PRKAR1B: variants seen among roughly 807,000 people sequenced by gnomAD.
PRKAR1B encodes the protein cAMP-dependent protein kinase type I-beta regulatory subunit.
PRKAR1B carries 22 observed loss-of-function variants against 46.5 expected under a neutral mutation model. That is an observed-to-expected ratio of 0.47 (90% confidence interval 0.34 to 0.68). PRKAR1B has a LOEUF of 0.68. Among genes scored for constraint, PRKAR1B ranks in the 30% least tolerant of loss-of-function variants. PRKAR1B has a pLI of 0.01. For synonymous variants in PRKAR1B, 259 were observed against 217.7 expected (o/e 1.19, Z -1.67); for missense variants, 445 against 535.6 (o/e 0.83, Z 1.67).
At chr7:688,814 A>G (rs1779247918) in intron 2 of PRKAR1B, among the ~76,000 whole-genome samples, 1 of 152,120 alleles carries the variant, frequency 6.6e-6, no homozygotes, top group Admixed American at 6.5e-5. Context: ...TTGCGTCTTA[A>G]CCATGGTTAT....
chr7:631,446 C>A (rs985994239), intron 4 of PRKAR1B, among the ~76,000 whole-genome samples: 4 of 152,200 alleles, frequency 2.6e-5, no homozygotes, highest in Non-Finnish European at 5.9e-5. Flanking sequence ...GGAAGGAAAA[C>A]AGGCAGAAGC....
chr7:585,127 G>A (rs772324157), intron 7 of PRKAR1B, among the ~76,000 whole-genome samples: 6 of 152,144 alleles, frequency 3.9e-5, no homozygotes, highest in South Asian at 2.1e-4. Context: ...CCCTGTCAGC[G>A]TTATGTGAAT....
At chr7:653,836 TATC>T (rs755198932) in intron 4 of PRKAR1B, among the ~76,000 whole-genome samples, 63 of 152,144 alleles carry the variant, frequency 4.1e-4, no homozygotes, top group Non-Finnish European at 6.6e-4. Context: ...CCATGATAAT[TATC>T]ATCATCACTA....
intron 4 of PRKAR1B, among the ~76,000 whole-genome samples, chr7:632,231 A>T (rs1783792864): frequency 6.6e-6 from 1 of 151,968 alleles, no homozygotes; most frequent in African/African-American, 2.4e-5. Context: ...CCTTTTAAAC[A>T]CTGTGAAATT....
chr7:564,041 C>G (rs572654721), intron 9 of PRKAR1B, among the ~76,000 whole-genome samples: 1 of 152,100 alleles, frequency 6.6e-6, no homozygotes, highest in Admixed American at 6.5e-5. Flanking sequence ...CCCCTCTGCC[C>G]GCTCCCCACT....
intron 7 of PRKAR1B, among the ~76,000 whole-genome samples, chr7:587,700 G>A (rs1364184317): frequency 6.6e-6 from 1 of 152,216 alleles, no homozygotes; most frequent in Non-Finnish European, 1.5e-5. Flanking sequence ...GAGCATAGGG[G>A]AGGCAGTCCG....
At chr7:727,547 A>T (rs1781387857), upstream of PRKAR1B, 1 of 222,528 alleles carries the variant, frequency 4.5e-6, no homozygotes, top group Non-Finnish European at 8.2e-6. Flanking sequence ...TCCCGCCACC[A>T]ACGCGCCCTT....
intron 4 of PRKAR1B, among the ~76,000 whole-genome samples, chr7:651,561 G>A (rs1300430554): frequency 2.1e-5 from 3 of 141,842 alleles, no homozygotes; most frequent in Admixed American, 1.4e-4. Flanking sequence ...GAAACCCCCT[G>A]TCAGAAGACA....
At chr7:673,086 A>C (rs1387161589) in intron 4 of PRKAR1B, among the ~76,000 whole-genome samples, 1 of 137,794 alleles carries the variant, frequency 7.3e-6, no homozygotes, top group East Asian at 2.1e-4. Context: ...AAACACACAC[A>C]CACAGAATGG....
chr7:566,424 CACCACCA>C (rs1779145503), intron 9 of PRKAR1B, among the ~76,000 whole-genome samples: 1 of 151,838 alleles, frequency 6.6e-6, no homozygotes, highest in Admixed American at 6.6e-5. Flanking sequence ...TTATCACCAT[CACCACCA>C]TCACCATCAC....
At chr7:603,906 G>A (rs577843380) in intron 6 of PRKAR1B, among the ~76,000 whole-genome samples, 50 of 151,996 alleles carry the variant, frequency 3.3e-4, no homozygotes, top group African/African-American at 1.1e-3. Flanking sequence ...CCAGGACCCA[G>A]AGTGTGAACT....
rs954951054 is a variant in PRKAR1B, at chr7:667,515, A to C, written c.440+9714T>G. 2.6e-5 allele frequency among the ~76,000 whole-genome samples: 4 copies of C among 152,270 alleles called. No individual in the cohort carries two copies. The highest frequency in any genetic ancestry group is 2.6e-4 in the Admixed American group (4 of 15,298). On this transcript the variant is annotated intron_variant, in intron 4 of 10. Coordinates refer to ENST00000537384, the MANE Select transcript of PRKAR1B (RefSeq NM_001164760.2). The surrounding 1 kb of genome is among the most constrained non-coding windows in gnomAD (Gnocchi z 4.3). ...TCCAGCCCAACACCTGTGTGATGGGAACTCCTGGTCCTGTCTCACCCCTGA... is the reference window on the plus strand; with the variant it reads ...TCCAGCCCAACACCTGTGTGATGGGCACTCCTGGTCCTGTCTCACCCCTGA...
At chr7:691,517 TGAAGA>T in intron 2 of PRKAR1B, 3 of 1,304,296 alleles carry the variant, frequency 2.3e-6, no homozygotes, top group Non-Finnish European at 3.0e-6. Flanking sequence ...GGAGAGCAAA[TGAAGA>T]GGAGAGCTGG....
chr7:626,652 G>A (rs1053253041), intron 4 of PRKAR1B, among the ~76,000 whole-genome samples: 1 of 151,068 alleles, frequency 6.6e-6, no homozygotes, highest in Admixed American at 6.6e-5. Flanking sequence ...ATTCTATGAG[G>A]ACAGCTTTAA....
In PRKAR1B at chr7:653,434, C is replaced by A. The variant is rs565000410; in HGVS notation, c.440+23795G>T. ...GCTGGCTTCCAGAAGTGTAGTTATC[C>A]CCAGGGAGCAAGGTCCCTTTCCCAG... On this transcript the variant is annotated intron_variant, in intron 4 of 10. Transcript: ENST00000537384. Among the ~76,000 whole-genome samples the A allele has an allele frequency of 2.6e-5, 4 of 152,246 alleles. No homozygotes were observed. The East Asian group carries it at 7.7e-4, about 29-fold the overall frequency.
chr7:568,885 GAT>G (rs1363968130), intron 9 of PRKAR1B, among the ~76,000 whole-genome samples: 9 of 151,878 alleles, frequency 5.9e-5, no homozygotes, highest in Admixed American at 5.2e-4. Flanking sequence ...GGTGCCCCGA[GAT>G]ACGGGTGGGA....
chr7:668,259 G>C (rs1014563067), intron 4 of PRKAR1B, among the ~76,000 whole-genome samples: 8 of 152,242 alleles, frequency 5.3e-5, no homozygotes, highest in Admixed American at 5.2e-4. Context: ...ATTTGGCTTT[G>C]CTCGCCAAAC....
chr7:645,807 G>T (rs545565473), intron 4 of PRKAR1B, among the ~76,000 whole-genome samples: 3 of 152,096 alleles, frequency 2.0e-5, no homozygotes, highest in Admixed American at 1.3e-4. Flanking sequence ...CAGCATGCGG[G>T]GGTGCTCCCT....
chr7:630,225 A>G (rs1468914864), intron 4 of PRKAR1B, among the ~76,000 whole-genome samples: 2 of 152,188 alleles, frequency 1.3e-5, no homozygotes, highest in Non-Finnish European at 2.9e-5. Flanking sequence ...GGGCTGGGCC[A>G]GGCCAGGCGA....
Sources: allele counts gnomAD v4.1 joint callset (sites outside exome capture counted in the v4.1 genomes callset), GRCh38; gene constraint gnomAD v4.1.1; non-coding constraint Gnocchi (gnomAD v3.1); transcripts MANE v1.5; gene names NCBI Gene and HGNC (gene_info 2026-07-23, HGNC 2026-07-21).